The following CHD9 variants were observed in gnomAD, a reference collection of about 807,000 sequenced individuals.
CHD9 encodes chromodomain helicase DNA binding protein 9.
CHD9 carries 77 observed loss-of-function variants against 316.1 expected under a neutral mutation model. The observed-to-expected ratio is 0.24, with a 90% CI of 0.20 to 0.29. CHD9 has a LOEUF of 0.29. Ranked by LOEUF, CHD9 falls within the 10% of genes least tolerant of loss-of-function variation. The probability of loss-of-function intolerance (pLI) is 1.00; values close to 1 mark genes in which losing one functional copy is unlikely to be tolerated. For synonymous variants in CHD9, 1,129 were observed against 1,158.3 expected (o/e 0.97, Z 0.51); for missense variants, 2,763 against 3,438.1 (o/e 0.80, Z 4.91).
intron 19 of CHD9, among the ~76,000 whole-genome samples, chr16:53,259,185 C>G (rs182195255): frequency 6.6e-6 from 1 of 152,188 alleles, no homozygotes; most frequent in Non-Finnish European, 1.5e-5. Context: ...TGTAAGCTAT[C>G]TTGTAAATAG....
chr16:53,310,461 A>G (rs992250129), intron 34 of CHD9, among the ~76,000 whole-genome samples: 1 of 152,216 alleles, frequency 6.6e-6, no homozygotes, highest in East Asian at 1.9e-4. Flanking sequence ...TGATACTTCT[A>G]TTGCCTGAAC....
At chr16:53,124,403 C>CGA (rs559036172) in intron 1 of CHD9, among the ~76,000 whole-genome samples, 18 of 148,942 alleles carry the variant, frequency 1.2e-4, no homozygotes, top group East Asian at 1.2e-3. Flanking sequence ...TGGTGGCAGG[C>CGA]GAGAGAGAGA....
chr16:53,143,702 A>T (rs545984141), intron 1 of CHD9, among the ~76,000 whole-genome samples: 1 of 152,140 alleles, frequency 6.6e-6, no homozygotes, highest in Non-Finnish European at 1.5e-5. Context: ...ATGATTTTAT[A>T]TATTTTACGT....
At chr16:53,202,770 T>TA (rs199743779) in intron 2 of CHD9, among the ~76,000 whole-genome samples, 18 of 148,430 alleles carry the variant, frequency 1.2e-4, no homozygotes, top group Non-Finnish European at 1.6e-4. Context: ...TTATGACACT[T>TA]AAAAAAAAAA....
At chr16:53,146,992 T>C (rs908635050) in intron 1 of CHD9, among the ~76,000 whole-genome samples, 4 of 152,186 alleles carry the variant, frequency 2.6e-5, no homozygotes, top group African/African-American at 9.7e-5. Flanking sequence ...AAAAAGTTTG[T>C]CATTTTCATG....
intron 24 of CHD9, among the ~76,000 whole-genome samples, chr16:53,279,042 A>G (rs2053148868): frequency 1.3e-5 from 2 of 152,228 alleles, no homozygotes; most frequent in Admixed American, 6.5e-5. Context: ...ACATGCTGCT[A>G]TAAAGACACA....
intron 26 of CHD9, 90 bp downstream of exon 26, chr16:53,286,433 G>A (rs2053881138): frequency 1.4e-6 from 1 of 699,118 alleles, no homozygotes. Context: ...ATCTTTAAAT[G>A]AGGTAGCAGT....
intron 2 of CHD9, among the ~76,000 whole-genome samples, chr16:53,193,314 T>C (rs980750078): frequency 6.6e-6 from 1 of 151,888 alleles, no homozygotes; most frequent in Non-Finnish European, 1.5e-5. Context: ...CCGGGCGTGG[T>C]GGCGGGCCCC....
chr16:53,232,394 CT>C (rs2048254478), intron 10 of CHD9, among the ~76,000 whole-genome samples: 1 of 152,058 alleles, frequency 6.6e-6, no homozygotes, highest in African/African-American at 2.4e-5. Flanking sequence ...TCTTCTGGAG[CT>C]TTTCAAAAAT....
intron 10 of CHD9, among the ~76,000 whole-genome samples, chr16:53,232,570 C>G (rs530785747): frequency 1.1e-4 from 17 of 151,926 alleles, no homozygotes; most frequent in Non-Finnish European, 2.1e-4. Flanking sequence ...TTCTTTTTGC[C>G]AGTATACTGC....
intron 1 of CHD9, among the ~76,000 whole-genome samples, chr16:53,088,708 A>T (rs1462431347): frequency 1.3e-5 from 2 of 152,066 alleles, no homozygotes; most frequent in African/African-American, 4.8e-5. Flanking sequence ...GGCCAGGCAT[A>T]GTGGCTTATT....
Position 53,306,268 on chromosome 16 carries a change from A to G in CHD9, c.6651A>G (p.Glu2217=). 6.3e-7 allele frequency: 1 copy of G among 1,586,814 alleles called. No homozygotes were observed. ...ESTTHMKAYD[E]ESVASLSTTQ... ...CTACTCACATGAAAGCCTATGATGA[A>G]GAAAGCGTCGCGTCACTGAGCACTA... The change falls in exon 32 of 39, where the codon GAA becomes GAG. Residue 2217 remains glutamate, a synonymous_variant. Transcript: ENST00000447540.
intron 1 of CHD9, among the ~76,000 whole-genome samples, chr16:53,152,008 G>C (rs1486866802): frequency 6.6e-6 from 1 of 151,862 alleles, no homozygotes; most frequent in African/African-American, 2.4e-5. Context: ...GTGGGCAGGG[G>C]TGCACATACA....
intron 1 of CHD9, among the ~76,000 whole-genome samples, chr16:53,070,485 T>TTCC (rs1567306263): frequency 2.6e-4 from 39 of 148,076 alleles, no homozygotes; most frequent in African/African-American, 9.6e-4. Context: ...TCTTTCTTTC[T>TTCC]TTCTTTCCTT....
chr16:53,066,855 A>T (rs2033571568), intron 1 of CHD9, among the ~76,000 whole-genome samples: 1 of 152,180 alleles, frequency 6.6e-6, no homozygotes, highest in Non-Finnish European at 1.5e-5. Context: ...AAGACTTTAT[A>T]TATTTTTGGT....
intron 7 of CHD9, 191 bp downstream of exon 7, chr16:53,227,794 T>G: frequency 5.5e-6 from 1 of 182,964 alleles, no homozygotes; most frequent in Non-Finnish European, 1.1e-5. Context: ...ATGTTAAAAT[T>G]GAATGATTTG....
intron 2 of CHD9, among the ~76,000 whole-genome samples, chr16:53,161,477 T>A (rs1475940364): frequency 6.6e-6 from 1 of 152,334 alleles, no homozygotes; most frequent in East Asian, 1.9e-4. Context: ...TTCTGGGTTC[T>A]TTGTTGGGCT....
intron 2 of CHD9, among the ~76,000 whole-genome samples, chr16:53,182,893 G>GT (rs2043648756): frequency 6.6e-6 from 1 of 152,144 alleles, no homozygotes; most frequent in South Asian, 2.1e-4. Context: ...AAGATCAAGT[G>GT]TTTTAAGTTT....
rs191213062 is a variant in CHD9, at chr16:53,217,049, G to A, written c.1785-5595G>A. 2.4e-3 allele frequency among the ~76,000 whole-genome samples: 370 copies of A among 152,100 alleles called. 3 individuals carry two copies. Among genetic ancestry groups the A allele is most frequent in the South Asian group, 0.014 (67 of 4,820 alleles). The stretch of plus-strand genomic sequence containing the variant: ...CTGCAGACCTCATGCAAGTTTTGTC[G>A]GTTCCCCTTTTTTTGTTGGCCAGGA... On this transcript the variant is annotated intron_variant, in intron 3 of 38. Coordinates refer to ENST00000447540, the MANE Select transcript of CHD9 (RefSeq NM_001308319.2).
Sources: allele counts gnomAD v4.1 joint callset (sites outside exome capture counted in the v4.1 genomes callset), GRCh38; gene constraint gnomAD v4.1.1; transcripts MANE v1.5; gene names NCBI Gene and HGNC (gene_info 2026-07-23, HGNC 2026-07-21).